Variants in SNX6 observed in about 807,000 individuals in gnomAD.
SNX6 encodes sorting nexin 6, also known as sorting nexin-6.
In SNX6, 34 loss-of-function variants were observed where a neutral mutation model predicts 63.0. The ratio of observed to expected loss-of-function variants is 0.54; its 90% CI spans 0.41 to 0.72. SNX6 has a LOEUF of 0.72. Ranked by LOEUF, SNX6 falls within the 30% of genes least tolerant of loss-of-function variation. The probability of loss-of-function intolerance (pLI) is 0.00; values close to 1 mark genes in which losing one functional copy is unlikely to be tolerated. For missense variants in SNX6, 398 were observed against 471.4 expected (o/e 0.84, Z 1.44); for synonymous variants, 170 against 164.2 (o/e 1.04, Z -0.27).
chr14:34,612,109 T>C (rs1357346522), intron 2 of SNX6, among the ~76,000 whole-genome samples: 1 of 151,838 alleles, frequency 6.6e-6, no homozygotes, highest in Non-Finnish European at 1.5e-5. Context: ...ATTCAGGCTT[T>C]TTGTTTTTTT....
At chr14:34,608,238 A>C in intron 3 of SNX6, 98 bp from the exon 4 acceptor site, 4 of 601,004 alleles carry the variant, frequency 6.7e-6, no homozygotes, top group Non-Finnish European at 1.2e-5. Flanking sequence ...AGTGCAGTCG[A>C]ACAATCTCGG....
rs192300989 is a variant in SNX6 at position 34,590,470 on chromosome 14, A to C, written c.718+2575T>G. On this transcript the variant is annotated intron_variant, in intron 8 of 13. Transcript: ENST00000362031. ...AGAATAAAGCTGAAGGAAGAAGGAC[A>C]CAAGAAAAGATGTTGAACCTCAACA... is the stretch of plus-strand genomic sequence containing the variant. Among the ~76,000 whole-genome samples, 24 of 151,960 alleles carry C rather than the reference A, an allele frequency of 1.6e-4. No individual in the cohort carries two copies. The East Asian group carries it at 4.4e-3, about 28-fold the overall frequency.
At chr14:34,613,792 AAAAAAC>A (rs887323998) in intron 2 of SNX6, among the ~76,000 whole-genome samples, 2 of 150,232 alleles carry the variant, frequency 1.3e-5, no homozygotes, top group South Asian at 2.1e-4. Flanking sequence ...CTCCATCTCA[AAAAAAC>A]AAAAACAAAA....
At chr14:34,568,279 G>T (rs1881282287) in intron 11 of SNX6, among the ~76,000 whole-genome samples, 1 of 149,890 alleles carries the variant, frequency 6.7e-6, no homozygotes, top group Non-Finnish European at 1.5e-5. Flanking sequence ...TCACCAGGCT[G>T]GAGTGCAGTG....
intron 2 of SNX6, among the ~76,000 whole-genome samples, chr14:34,622,065 T>G (rs995301371): frequency 3.3e-5 from 5 of 150,070 alleles, no homozygotes; most frequent in African/African-American, 1.2e-4. Context: ...TTCAAGCGAT[T>G]CTCCTGCCTC....
At position 34,603,315 on chromosome 14, in the gene SNX6, G is replaced by C. The variant is rs1882897324; in HGVS notation, c.516+33C>G. 3 of 1,556,432 alleles carry C rather than the reference G, an allele frequency of 1.9e-6. No individual in the cohort carries two copies. The East Asian group carries it at 6.9e-5, about 36-fold the overall frequency. ...AAAAAAAGAAGAAGAAGAAGAAAAA[G>C]AAAACTTGACCACCAATCAATGTGA... On this transcript the variant is annotated intron_variant, in intron 6 of 13. Transcript: ENST00000362031.
chr14:34,593,096 G>C lies in SNX6; in HGVS notation c.667C>G (p.Arg223Gly). 5.6e-6 allele frequency: 9 copies of C among 1,608,868 alleles called. No individual in the cohort carries two copies. The highest frequency in any genetic ancestry group is 7.6e-6 in the Non-Finnish European group (9 of 1,178,522). The change falls in exon 8 of 14, where the codon CGA becomes GGA. Residue 223 changes from arginine to glycine, a missense_variant. Transcript: ENST00000362031. ...ERTFLLEYHN[R>G]VKDASAKSDR... The stretch of plus-strand genomic sequence containing the variant: ...GATTTAGCAGATGCATCCTTAACTC[G>C]GTTATGATACTCCAAAAGAAATGTT...
Position 34,587,314 on chromosome 14 carries a change from T to C in SNX6, c.719-1009A>G, listed in dbSNP as rs77812632. ...TTGGGAGGCCAAGGCGGGCAGATCA[T>C]GAGGTTAGGAGATTGAGACCATCCT... On this transcript the variant is annotated intron_variant, in intron 8 of 13. Coordinates refer to ENST00000362031, the MANE Select transcript of SNX6 (RefSeq NM_152233.4). Among the ~76,000 whole-genome samples the C allele has an allele frequency of 0.014, 2,101 of 151,674 alleles. 137 individuals carry two copies. The East Asian group carries it at 0.19, about 13-fold the overall frequency.
Position 34,603,485 on chromosome 14 carries a change from A to T in SNX6, c.393-14T>A, listed in dbSNP as rs750989603. ...GCCAAATATTCACTAGAAACAATAT[A>T]CAAAATTAAAGGTAAAAAACTCCAT... On this transcript the variant is annotated splice_polypyrimidine_tract_variant and intron_variant, in intron 5 of 13. Transcript: ENST00000362031. 5.6e-5 allele frequency: 87 copies of T among 1,560,334 alleles called. No homozygotes were observed. Among genetic ancestry groups the T allele is most frequent in the Non-Finnish European group, 7.3e-5 (84 of 1,157,650 alleles).
intron 3 of SNX6, 74 bp downstream of exon 3, chr14:34,609,564 C>A: frequency 2.7e-6 from 2 of 732,698 alleles, no homozygotes; most frequent in South Asian, 4.8e-5. Flanking sequence ...GTTTAAAACC[C>A]AAGTCTGGTC....
At chr14:34,624,979 G>T (rs534120852) in intron 2 of SNX6, among the ~76,000 whole-genome samples, 4 of 151,858 alleles carry the variant, frequency 2.6e-5, no homozygotes, top group Non-Finnish European at 5.9e-5. Context: ...GCAATGGCAC[G>T]CTCTCAGCTC....
chr14:34,609,587 A>G (rs1883147981), intron 3 of SNX6, 51 bp downstream of exon 3: 1 of 1,111,036 alleles, frequency 9.0e-7, no homozygotes, highest in East Asian at 2.4e-5. Context: ...CATATCACAT[A>G]TGTAGTATAA....
At chr14:34,592,283 G>A in intron 8 of SNX6, among the ~76,000 whole-genome samples, 1 of 152,258 alleles carries the variant, frequency 6.6e-6, no homozygotes, top group East Asian at 1.9e-4. Flanking sequence ...CTACTTGGGA[G>A]GCTGAGGCAG....
chr14:34,600,524 T>C (rs548503855), intron 6 of SNX6, among the ~76,000 whole-genome samples: 2 of 151,696 alleles, frequency 1.3e-5, no homozygotes, highest in South Asian at 4.2e-4. Flanking sequence ...GCAATCCTCC[T>C]GCCTCAGGCT....
At chr14:34,604,778 T>C (rs1223370116) in intron 5 of SNX6, among the ~76,000 whole-genome samples, 1 of 151,884 alleles carries the variant, frequency 6.6e-6, no homozygotes, top group East Asian at 1.9e-4. Flanking sequence ...AAAGACATGA[T>C]GCTCAAAGGA....
intron 8 of SNX6, among the ~76,000 whole-genome samples, chr14:34,588,951 T>C (rs1023432410): frequency 1.3e-5 from 2 of 152,030 alleles, no homozygotes; most frequent in African/African-American, 2.4e-5. Flanking sequence ...CTGGCCAACA[T>C]GGCAAAACTC....
intron 13 of SNX6, among the ~76,000 whole-genome samples, chr14:34,565,610 G>A (rs1326199614): frequency 2.0e-5 from 3 of 152,094 alleles, no homozygotes; most frequent in South Asian, 2.1e-4. Context: ...TCCGCCTCCC[G>A]GGTTCGAGCG....
At chr14:34,606,265 C>T (rs1022841609) in intron 4 of SNX6, among the ~76,000 whole-genome samples, 2 of 147,688 alleles carry the variant, frequency 1.4e-5, no homozygotes, top group East Asian at 2.0e-4. Flanking sequence ...GGATTATAAG[C>T]GCACGACACC....
At chr14:34,572,098 CTTA>C (rs67011855) in intron 11 of SNX6, among the ~76,000 whole-genome samples, 130,174 of 151,896 alleles carry the variant, frequency 0.86, 55,903 homozygotes, top group African/African-American at 0.88. Flanking sequence ...CACCACATTC[CTTA>C]TATTAACAGT....
Sources: allele counts gnomAD v4.1 joint callset (sites outside exome capture counted in the v4.1 genomes callset), GRCh38; gene constraint gnomAD v4.1.1; transcripts MANE v1.5; gene names NCBI Gene and HGNC (gene_info 2026-07-23, HGNC 2026-07-21).